Variants in PCYT1A observed in about 807,000 individuals in gnomAD.
PCYT1A encodes the protein phosphate cytidylyltransferase 1A, choline.
Under a neutral mutation model 43.7 loss-of-function variants are expected in PCYT1A, and 25 were observed. The observed-to-expected ratio is 0.57, with a 90% CI of 0.42 to 0.80. PCYT1A has a LOEUF of 0.80. PCYT1A is among the 30% of genes least tolerant of loss of function. The probability of loss-of-function intolerance (pLI) is 0.00; values close to 1 mark genes in which losing one functional copy is unlikely to be tolerated. For missense variants in PCYT1A, 421 were observed against 474.2 expected, an observed-to-expected ratio of 0.89 and a Z score of 1.04; for synonymous variants, 172 against 170.7, an observed-to-expected ratio of 1.01 and a Z score of -0.06.
At chr3:196,271,128 G>A (rs371602496) in intron 1 of PCYT1A, among the ~76,000 whole-genome samples, 6 of 152,112 alleles carry the variant, frequency 3.9e-5, no homozygotes, top group East Asian at 1.9e-4. Context: ...TAGCTCAAGC[G>A]ATCCTCTTGC....
rs1013466542 is a variant in PCYT1A, at chr3:196,234,603, T to C, written c.*4085A>G. 2.0e-5 allele frequency: 3 copies of C among 152,202 alleles called. No homozygotes were observed. Among genetic ancestry groups the C allele is most frequent in the African/African-American group, 7.2e-5 (3 of 41,432 alleles). 9.4% of individuals were successfully genotyped at this position (152,202 alleles called of 1,614,324 possible). On this transcript the variant is annotated 3_prime_UTR_variant, in exon 9 of 9. Coordinates refer to ENST00000431016, the MANE Select transcript of PCYT1A (RefSeq NM_001312673.2). ...CAACCCAACTAATCCAGGATATGTG[T>C]TCAAAACAGTCAGTTTTCCCCCTCA... is the stretch of plus-strand genomic sequence containing the variant.
chr3:196,236,795 T>G lies in PCYT1A; in HGVS notation c.*1893A>C, dbSNP rs577058120. ...GATTCTCCTGCCTCAGCCTCCCAAG[T>G]AGCTGGGATTACAGGTGCCCACCAC... On this transcript the variant is annotated 3_prime_UTR_variant, in exon 9 of 9. Transcript: ENST00000431016. 7 of 152,414 alleles carry G rather than the reference T, an allele frequency of 4.6e-5. No individual in the cohort carries two copies. In the East Asian group the frequency reaches 1.3e-3, roughly 29 times the overall value. 9.4% of individuals were successfully genotyped at this position (152,414 alleles called of 1,614,324 possible).
intron 2 of PCYT1A, among the ~76,000 whole-genome samples, chr3:196,262,508 G>A (rs1033290314): frequency 2.0e-5 from 3 of 152,162 alleles, no homozygotes; most frequent in Admixed American, 1.3e-4. Flanking sequence ...TAAGAGGTTA[G>A]CTTCTAAAAT....
chr3:196,284,474 C>G (rs1023681471), intron 1 of PCYT1A, among the ~76,000 whole-genome samples: 4 of 152,164 alleles, frequency 2.6e-5, no homozygotes, highest in Admixed American at 2.6e-4. Flanking sequence ...TTACCTCTGG[C>G]CATGGTTAGA....
Position 196,234,851 on chromosome 3 carries a change from G to T in PCYT1A, c.*3837C>A, listed in dbSNP as rs181290971. On this transcript the variant is annotated 3_prime_UTR_variant, in exon 9 of 9. Coordinates refer to ENST00000431016, the MANE Select transcript of PCYT1A (RefSeq NM_001312673.2). ...AGAAGCTAGGGACCACTCTTTATCCGATGGCAGTCTATTCTATGAGAGAAA... is the reference window on the plus strand; with the variant it reads ...AGAAGCTAGGGACCACTCTTTATCCTATGGCAGTCTATTCTATGAGAGAAA... 2 of 152,142 alleles carry T rather than the reference G, an allele frequency of 1.3e-5. No homozygotes were observed. The highest frequency in any genetic ancestry group is 2.9e-5 in the Non-Finnish European group (2 of 68,024). The allele number at this position is 152,142 out of a possible 1,614,324, so 9.4% of individuals were successfully genotyped here.
At chr3:196,251,349 T>C in intron 3 of PCYT1A, 1 of 159,446 alleles carries the variant, frequency 6.3e-6, no homozygotes. Context: ...ATGCTGAGGC[T>C]GAGGATCAGA....
At chr3:196,240,971 A>G (rs1724328313) in intron 7 of PCYT1A, 2 of 151,630 alleles carry the variant, frequency 1.3e-5, no homozygotes, top group Admixed American at 1.3e-4. Context: ...TTTTAAATCG[A>G]TTTTATTGAG....
Position 196,277,928 on chromosome 3 carries a change from A to AT in PCYT1A, c.-10-7388dup, listed in dbSNP as rs1175945954. Among the ~76,000 whole-genome samples, 3 of 152,052 alleles carry AT rather than the reference A, an allele frequency of 2.0e-5. No individual in the cohort carries two copies. Among genetic ancestry groups the AT allele is most frequent in the Non-Finnish European group, 4.4e-5 (3 of 67,992 alleles). On this transcript the variant is annotated intron_variant, in intron 1 of 8. Coordinates refer to ENST00000431016, the MANE Select transcript of PCYT1A (RefSeq NM_001312673.2). This position sits in a 1 kb window ranked among gnomAD's most constrained non-coding sequence, Gnocchi z 4.1. Reference sequence around the variant, plus strand: ...TCTGTAGGTCTCACAAGTTTTTTTCATTTTTTCCCGGCCTTCTTATGCCAT... The same window carrying AT: ...TCTGTAGGTCTCACAAGTTTTTTTCATTTTTTTCCCGGCCTTCTTATGCCAT...
chr3:196,272,524 G>C (rs1725463299), intron 1 of PCYT1A, among the ~76,000 whole-genome samples: 1 of 152,050 alleles, frequency 6.6e-6, no homozygotes, highest in Non-Finnish European at 1.5e-5. Flanking sequence ...TTGTCATGTT[G>C]GCCAGGCTGG....
intron 7 of PCYT1A, chr3:196,240,148 A>G (rs1724306121): frequency 6.1e-6 from 1 of 164,736 alleles, no homozygotes; most frequent in Non-Finnish European, 1.3e-5. Context: ...ATAGATTGAA[A>G]GAGAAAATAC....
intron 5 of PCYT1A, among the ~76,000 whole-genome samples, chr3:196,246,167 A>T (rs1724564096): frequency 6.6e-6 from 1 of 152,142 alleles, no homozygotes; most frequent in Non-Finnish European, 1.5e-5. Flanking sequence ...GTCTGTCCTA[A>T]TCCTCAATAG....
Position 196,242,814 on chromosome 3 carries a change from A to G in PCYT1A, c.487-174T>C. ...AATCTATTCACAAACCACCCAACCT[A>G]ATGATTTATGGAGTATACATATGAA... On this transcript the variant is annotated intron_variant, in intron 5 of 8. Transcript: ENST00000431016. The surrounding 1 kb of genome is among the most constrained non-coding windows in gnomAD (Gnocchi z 4.2). 1.6e-6 allele frequency: 1 copy of G among 623,550 alleles called. No homozygotes were observed. Among genetic ancestry groups the G allele is most frequent in the Admixed American group, 2.8e-5 (1 of 35,642 alleles). 38.6% of individuals were successfully genotyped at this position (623,550 alleles called of 1,614,324 possible). A position where few individuals can be genotyped will look rare whatever the true frequency, so the allele number is the denominator to read the frequency against.
rs2108779057 is a variant in PCYT1A, at chr3:196,273,283, T to C, written c.-10-2742A>G. On this transcript the variant is annotated intron_variant, in intron 1 of 8. Transcript: ENST00000431016. This position sits in a 1 kb window ranked among gnomAD's most constrained non-coding sequence, Gnocchi z 4.1. ...TTCCCAAAGGGCTACAGCTCTTCTC[T>C]TTCTCTCTCCTCTCTTCTCTCTTTC... Among the ~76,000 whole-genome samples, 1 of 152,330 alleles carries C rather than the reference T, an allele frequency of 6.6e-6. No individual in the cohort carries two copies. The highest frequency in any genetic ancestry group is 3.4e-3 in the Middle Eastern group (1 of 294).
At chr3:196,239,808 C>T in intron 7 of PCYT1A, 73 bp from the exon 8 acceptor site, 1 of 1,029,032 alleles carries the variant, frequency 9.7e-7, no homozygotes, top group Non-Finnish European at 1.5e-6. Flanking sequence ...AACGAAAAAA[C>T]ATGGCTCAAG....
At chr3:196,264,369 G>A (rs754044085) in intron 2 of PCYT1A, among the ~76,000 whole-genome samples, 1 of 152,268 alleles carries the variant, frequency 6.6e-6, no homozygotes, top group East Asian at 1.9e-4. Flanking sequence ...GATTACAGGC[G>A]TGAAGCCACC....
rs774922816 is a variant in PCYT1A at position 196,242,835 on chromosome 3, A to G, written c.487-195T>C. On this transcript the variant is annotated intron_variant, in intron 5 of 8. Coordinates refer to ENST00000431016, the MANE Select transcript of PCYT1A (RefSeq NM_001312673.2). The surrounding 1 kb of genome is among the most constrained non-coding windows in gnomAD (Gnocchi z 4.2). Reference sequence around the variant, plus strand: ...ACCTAATGATTTATGGAGTATACATATGAAGTTAGCCAGCTGCTTTTGTAG... The same window carrying G: ...ACCTAATGATTTATGGAGTATACATGTGAAGTTAGCCAGCTGCTTTTGTAG... 6 of 603,266 alleles carry G rather than the reference A, an allele frequency of 9.9e-6. No homozygotes were observed. The highest frequency in any genetic ancestry group is 1.8e-5 in the Non-Finnish European group (6 of 332,858). 37.4% of individuals were successfully genotyped at this position (603,266 alleles called of 1,614,324 possible).
At position 196,242,386 on chromosome 3, in the gene PCYT1A, AC is replaced by A; in HGVS notation, c.565+175del. On this transcript the variant is annotated intron_variant, in intron 6 of 8. Transcript: ENST00000431016. This position sits in a 1 kb window ranked among gnomAD's most constrained non-coding sequence, Gnocchi z 4.2. ...GACCAAGAATTGATGGATGTCATGA[AC>A]TGACGACAAAGAATTGATGGGTGCT... The A allele has an allele frequency of 1.4e-6, 1 of 713,214 alleles. No homozygotes were observed. Among genetic ancestry groups the A allele is most frequent in the Non-Finnish European group, 2.6e-6 (1 of 384,746 alleles). 44.2% of individuals were successfully genotyped at this position (713,214 alleles called of 1,614,324 possible).
intron 2 of PCYT1A, among the ~76,000 whole-genome samples, chr3:196,259,531 T>G (rs575603480): frequency 2.4e-4 from 37 of 152,292 alleles, no homozygotes; most frequent in African/African-American, 7.7e-4. Context: ...AACACGTTTT[T>G]TTTGTTTGTT....
intron 3 of PCYT1A, among the ~76,000 whole-genome samples, chr3:196,249,831 C>T (rs1418435191): frequency 6.6e-6 from 1 of 150,706 alleles, no homozygotes; most frequent in South Asian, 2.1e-4. Flanking sequence ...TATGCTGAGG[C>T]TGAGGACCAG....
Sources: allele counts gnomAD v4.1 joint callset (sites outside exome capture counted in the v4.1 genomes callset), GRCh38; gene constraint gnomAD v4.1.1; non-coding constraint Gnocchi (gnomAD v3.1); transcripts MANE v1.5; gene names NCBI Gene and HGNC (gene_info 2026-07-23, HGNC 2026-07-21).